LRP5: variants seen among roughly 807,000 people sequenced by gnomAD.
The protein encoded by LRP5 is low-density lipoprotein receptor-related protein 5.
In LRP5, 62 loss-of-function variants were observed where a neutral mutation model predicts 154.1. The ratio of observed to expected loss-of-function variants is 0.40; its 90% confidence interval spans 0.33 to 0.50. LRP5 has a LOEUF of 0.50. LRP5 is among the 20% of genes least tolerant of loss of function. The pLI, the probability that LRP5 is intolerant of heterozygous loss-of-function variation, is 0.55. For synonymous variants in LRP5, 966 were observed against 1,011.5 expected, an observed-to-expected ratio of 0.96 and a Z score of 0.85; for missense variants, 1,915 against 2,336.7, an observed-to-expected ratio of 0.82 and a Z score of 3.72.
At chr11:68,441,673 C>T (rs2098678292) in intron 21 of LRP5, among the ~76,000 whole-genome samples, 1 of 152,196 alleles carries the variant, frequency 6.6e-6, no homozygotes, top group Non-Finnish European at 1.5e-5. Context: ...CCTGTTCTCC[C>T]TTGGGAGCTG....
chr11:68,420,204 C>T (rs747766524), intron 13 of LRP5, among the ~76,000 whole-genome samples: 2 of 152,222 alleles, frequency 1.3e-5, no homozygotes, highest in African/African-American at 4.8e-5. Flanking sequence ...CCGAAACTGT[C>T]CGCATTGAAC....
rs764100421 is a variant in LRP5 at position 68,423,625 on chromosome 11, G to C, written c.3164G>C (p.Gly1055Ala). 4 of 1,614,212 alleles carry C rather than the reference G, an allele frequency of 2.5e-6. No individual in the cohort carries two copies. The highest frequency in any genetic ancestry group is 3.4e-6 in the Non-Finnish European group (4 of 1,180,028). Residue 1055 changes from glycine (G) to alanine (A), a missense_variant, in exon 14 of 23, where the codon GGG becomes GCG. By Grantham distance (60) the Gly-to-Ala change is moderately conservative (BLOSUM62 0). Coordinates refer to ENST00000294304, the MANE Select transcript of LRP5 (RefSeq NM_002335.4). The surrounding 1 kb of genome is among the most constrained non-coding windows in gnomAD (Gnocchi z 4.7). ...TNTINVHRLS[G>A]EAMGVVLRGD... ...ACCATCAACGTCCACAGGCTGAGCG[G>C]GGAAGCCATGGGGGTGGTGCTGCGT...
At chr11:68,349,047 T>A (rs1441328344) in intron 2 of LRP5, among the ~76,000 whole-genome samples, 2 of 148,822 alleles carry the variant, frequency 1.3e-5, no homozygotes, top group African/African-American at 2.5e-5. Context: ...TTTTTTTTTT[T>A]AATTGAGATG....
At chr11:68,424,478 C>T (rs1034471569) in intron 14 of LRP5, among the ~76,000 whole-genome samples, 1 of 152,088 alleles carries the variant, frequency 6.6e-6, no homozygotes, top group Non-Finnish European at 1.5e-5. Flanking sequence ...GCGGAAGCCC[C>T]GGGTCTATAA....
At chr11:68,354,406 G>A (rs2098621345) in intron 2 of LRP5, among the ~76,000 whole-genome samples, 3 of 152,344 alleles carry the variant, frequency 2.0e-5, no homozygotes, top group Admixed American at 2.0e-4. Flanking sequence ...GCTCCTGCAC[G>A]TTTTCCAGCC....
chr11:68,313,068 G>A (rs1203476624), intron 1 of LRP5, among the ~76,000 whole-genome samples: 2 of 147,476 alleles, frequency 1.4e-5, no homozygotes, highest in African/African-American at 4.9e-5. Flanking sequence ...GGTGCGGCGC[G>A]GGCGGGTCCT....
intron 5 of LRP5, among the ~76,000 whole-genome samples, chr11:68,371,135 C>A (rs1327646145): frequency 6.6e-6 from 1 of 152,162 alleles, no homozygotes. Flanking sequence ...CCAGGGGCAG[C>A]TGGTGTGGAA....
intron 21 of LRP5, among the ~76,000 whole-genome samples, chr11:68,445,267 T>G (rs1338652816): frequency 6.6e-6 from 1 of 151,960 alleles, no homozygotes; most frequent in Non-Finnish European, 1.5e-5. Flanking sequence ...ACCCGGCTAA[T>G]TTTCATATTT....
intron 1 of LRP5, among the ~76,000 whole-genome samples, chr11:68,340,909 A>C (rs913430254): frequency 1.1e-4 from 17 of 152,060 alleles, no homozygotes; most frequent in Admixed American, 1.0e-3. Context: ...TTCTAGTAGA[A>C]ATCATGGTTC....
intron 1 of LRP5, among the ~76,000 whole-genome samples, chr11:68,313,510 G>GCTC (rs1188118467): frequency 6.6e-6 from 1 of 152,192 alleles, no homozygotes; most frequent in Non-Finnish European, 1.5e-5. Flanking sequence ...CACTCCCGTG[G>GCTC]GGAGAGGTAG....
chr11:68,425,443 G>A (rs2098668224), intron 15 of LRP5, 151 bp downstream of exon 15: 9 of 819,166 alleles, frequency 1.1e-5, no homozygotes, highest in Middle Eastern at 3.5e-4. Context: ...ACTGACAGCT[G>A]TAGGCTGGGG....
rs2098648493 is a variant in LRP5, at chr11:68,395,051, A to G, written c.1584+4999A>G. On this transcript the variant is annotated intron_variant, in intron 7 of 22. Coordinates refer to ENST00000294304, the MANE Select transcript of LRP5 (RefSeq NM_002335.4). The stretch of plus-strand genomic sequence containing the variant: ...CGTGGTGGCTTACGCCTGTAATCCC[A>G]ACACTTTGGAAAGCTGAGGTGGGTG... Among the ~76,000 whole-genome samples the G allele has an allele frequency of 2.6e-5, 4 of 152,186 alleles. No individual in the cohort carries two copies. In the South Asian group the frequency reaches 8.3e-4, roughly 32 times the overall value.
intron 3 of LRP5, among the ~76,000 whole-genome samples, chr11:68,359,404 T>C (rs1347801443): frequency 6.6e-6 from 1 of 152,162 alleles, no homozygotes; most frequent in African/African-American, 2.4e-5. Context: ...GATTTGGAAA[T>C]GTGGTTACCC....
At position 68,381,234 on chromosome 11, in the gene LRP5, C is replaced by T. The variant is rs139265547; in HGVS notation, c.1016-5082C>T. Among the ~76,000 whole-genome samples the T allele has an allele frequency of 1.3e-3, 205 of 152,298 alleles. 1 individual carries two copies. Among genetic ancestry groups the T allele is most frequent in the Non-Finnish European group, 2.0e-3 (136 of 68,018 alleles). On this transcript the variant is annotated intron_variant, in intron 5 of 22. Coordinates refer to ENST00000294304, the MANE Select transcript of LRP5 (RefSeq NM_002335.4). ...TTCGGAGGGAGTCTGTCCCTGCAGA[C>T]GTCTTGACTTTTGATTGCAGGGATG...
intron 21 of LRP5, 107 bp downstream of exon 21, chr11:68,440,023 C>CA: frequency 2.0e-6 from 2 of 981,282 alleles, no homozygotes; most frequent in Non-Finnish European, 2.9e-6. Flanking sequence ...GCTGTGCCAC[C>CA]GCCTCTGAGG....
intron 1 of LRP5, among the ~76,000 whole-genome samples, chr11:68,331,301 G>A (rs903790921): frequency 2.0e-5 from 3 of 152,232 alleles, no homozygotes; most frequent in South Asian, 2.1e-4. Flanking sequence ...CATCTGGGCC[G>A]TTTGGAGTGA....
chr11:68,326,854 G>A (rs2098599996), intron 1 of LRP5, among the ~76,000 whole-genome samples: 1 of 152,220 alleles, frequency 6.6e-6, no homozygotes, highest in Admixed American at 6.5e-5. Context: ...CCTCATGGTG[G>A]GGAGGGGTCC....
chr11:68,437,584 A>G (rs763404264), intron 19 of LRP5, among the ~76,000 whole-genome samples: 24 of 152,236 alleles, frequency 1.6e-4, no homozygotes, highest in Non-Finnish European at 4.4e-5. Context: ...GCAATGAGTC[A>G]TTGTGTCTGG....
intron 7 of LRP5, among the ~76,000 whole-genome samples, chr11:68,398,854 C>T (rs531860243): frequency 7.1e-4 from 108 of 152,206 alleles, no homozygotes; most frequent in African/African-American, 2.5e-3. Flanking sequence ...CCTGTCTCAG[C>T]CTCCTGAGTA....
Sources: allele counts gnomAD v4.1 joint callset (sites outside exome capture counted in the v4.1 genomes callset), GRCh38; gene constraint gnomAD v4.1.1; non-coding constraint Gnocchi (gnomAD v3.1); transcripts MANE v1.5; gene names NCBI Gene and HGNC (gene_info 2026-07-23, HGNC 2026-07-21).